Variants in MAP3K15 observed in about 807,000 individuals in gnomAD.
MAP3K15 encodes mitogen-activated protein kinase kinase kinase 15, also known as MAPK/ERK kinase kinase 15.
MAP3K15 carries 124 observed loss-of-function variants against 99.5 expected under a neutral mutation model. The ratio of observed to expected loss-of-function variants is 1.25; its 90% confidence interval spans 1.08 to 1.45. The LOEUF is 1.45. Among genes scored for constraint, MAP3K15 ranks in the 40% most tolerant of loss-of-function variants. The pLI, the probability that MAP3K15 is intolerant of heterozygous loss-of-function variation, is 0.00. For synonymous variants in MAP3K15, 494 were observed against 439.6 expected, an observed-to-expected ratio of 1.12 and a Z score of -1.55; for missense variants, 1,242 against 1,079.7, an observed-to-expected ratio of 1.15 and a Z score of -2.11.
rs148424628 is a variant in MAP3K15, at chrX:19,395,050, A to T, written c.2194+31T>A. 2,358 of 1,191,148 alleles carry T rather than the reference A, an allele frequency of 2.0e-3. 22 individuals carry two copies. The African/African-American group carries it at 0.036, about 18-fold the overall frequency. On this transcript the variant is annotated intron_variant, in intron 16 of 28. Coordinates refer to ENST00000338883, the MANE Select transcript of MAP3K15 (RefSeq NM_001001671.4). The stretch of plus-strand genomic sequence containing the variant: ...ACATCCACGTCGTAGTGATTTTCAG[A>T]ATGTGAGACCAGAAGACAGCGACTA...
chrX:19,444,905 T>G (rs2063984374), intron 6 of MAP3K15, among the ~76,000 whole-genome samples: 1 of 110,718 alleles, frequency 9.0e-6, no homozygotes, highest in African/African-American at 3.3e-5. Flanking sequence ...GCCACTGCCA[T>G]TCTCCCTCTC....
intron 3 of MAP3K15, among the ~76,000 whole-genome samples, chrX:19,469,621 G>A (rs1343876499): frequency 2.7e-4 from 30 of 110,234 alleles, no homozygotes; most frequent in African/African-American, 3.6e-4. Context: ...GCAACCTACA[G>A]AATGGGAGAA....
chrX:19,384,768 A>C (rs1191525089), intron 18 of MAP3K15, among the ~76,000 whole-genome samples: 24 of 105,504 alleles, frequency 2.3e-4, no homozygotes, highest in South Asian at 4.2e-4. Flanking sequence ...AAAAAAAAAA[A>C]AAAAAAAAAA....
In MAP3K15 at chrX:19,364,893, CAAAAA is replaced by C. The variant is rs781622051; in HGVS notation, c.3567-2048_3567-2044del. ...GGGCAACAAGAGCGAAACTCTGTCT[CAAAAA>C]AAAAAAAAAAAAAAAATTCTTTGGG... On this transcript the variant is annotated intron_variant, in intron 25 of 28. Coordinates refer to ENST00000338883, the MANE Select transcript of MAP3K15 (RefSeq NM_001001671.4). Among the ~76,000 whole-genome samples, 2 of 38,492 alleles carry C rather than the reference CAAAAA, an allele frequency of 5.2e-5. 1 individual carries two copies. The highest frequency in any genetic ancestry group is 2.0e-4 in the African/African-American group (2 of 9,796). 33.4% of individuals were successfully genotyped at this position (38,492 alleles called of 115,157 possible). A position where few individuals can be genotyped will look rare whatever the true frequency, so the allele number is the denominator to read the frequency against.
intron 3 of MAP3K15, among the ~76,000 whole-genome samples, chrX:19,484,379 C>T (rs1168818029): frequency 1.8e-5 from 2 of 112,128 alleles, no homozygotes; most frequent in Non-Finnish European, 3.8e-5. Flanking sequence ...CATCCCCCAC[C>T]TCTGGTCTGT....
chrX:19,383,967 C>A (rs1025714424), intron 18 of MAP3K15, among the ~76,000 whole-genome samples: 1 of 111,702 alleles, frequency 9.0e-6, no homozygotes, highest in African/African-American at 3.3e-5. Context: ...TCATAGGATC[C>A]GGCAACCCCA....
At chrX:19,439,195 G>A (rs1254770309) in intron 6 of MAP3K15, among the ~76,000 whole-genome samples, 2 of 111,347 alleles carry the variant, frequency 1.8e-5, no homozygotes, top group African/African-American at 6.5e-5. Flanking sequence ...TGAGCTGCCT[G>A]CTCCGCCTTC....
intron 1 of MAP3K15, among the ~76,000 whole-genome samples, chrX:19,492,079 C>T (rs1474411696): frequency 9.1e-6 from 1 of 109,472 alleles, no homozygotes; most frequent in Non-Finnish European, 1.9e-5. Flanking sequence ...CCCACCTCGG[C>T]CTCTTAGAGT....
intron 1 of MAP3K15, among the ~76,000 whole-genome samples, chrX:19,496,114 T>G (rs1409672156): frequency 9.5e-6 from 1 of 104,993 alleles, no homozygotes; most frequent in Non-Finnish European, 1.9e-5. Context: ...TTGCCCAGGC[T>G]GGAGTGCAGT....
chrX:19,429,793 A>G (rs1244450914), intron 7 of MAP3K15, among the ~76,000 whole-genome samples: 1 of 80,931 alleles, frequency 1.2e-5, no homozygotes, highest in Non-Finnish European at 2.2e-5. Context: ...AGAGAGAGAG[A>G]GAGAGAGAGA....
rs374546659 is a variant in MAP3K15, at chrX:19,380,257, G to A, written c.2452C>T (p.Pro818Ser). ...CGAGGCCCTTGGTCAATTATCTCAG[G>A]TGCCATGTACTGCAGGGTGCCTATT... ...TFTGTLQYMAPEIIDQGPRGY... is the reference protein window; with the variant it reads ...TFTGTLQYMASEIIDQGPRGY... The change falls in exon 19 of 29, where the codon CCT becomes TCT. Residue 818 changes from proline (P) to serine (S), a missense_variant. Coordinates refer to ENST00000338883, the MANE Select transcript of MAP3K15 (RefSeq NM_001001671.4). The A allele has an allele frequency of 2.5e-6, 3 of 1,206,692 alleles. No individual in the cohort carries two copies. Among genetic ancestry groups the A allele is most frequent in the African/African-American group, 3.5e-5 (2 of 56,708 alleles).
chrX:19,450,738 G>T (rs1350763159), intron 6 of MAP3K15, among the ~76,000 whole-genome samples: 1 of 109,197 alleles, frequency 9.2e-6, no homozygotes, highest in Non-Finnish European at 1.9e-5. Context: ...GGAGGGAACT[G>T]AAGAAGGAAA....
intron 19 of MAP3K15, among the ~76,000 whole-genome samples, chrX:19,376,477 A>G (rs2063418741): frequency 9.3e-6 from 1 of 107,248 alleles, no homozygotes; most frequent in Non-Finnish European, 1.9e-5. Flanking sequence ...ACAGGGTCTC[A>G]CTTGGTCACC....
At chrX:19,432,893 T>C (rs1479031318) in intron 6 of MAP3K15, among the ~76,000 whole-genome samples, 1 of 110,823 alleles carries the variant, frequency 9.0e-6, no homozygotes, top group Admixed American at 9.7e-5. Flanking sequence ...ATTTTTGTAA[T>C]GTTAATAGAG....
At chrX:19,470,380 A>G (rs1330591360) in intron 3 of MAP3K15, among the ~76,000 whole-genome samples, 1 of 110,631 alleles carries the variant, frequency 9.0e-6, no homozygotes, top group Non-Finnish European at 1.9e-5. Flanking sequence ...GAAGGGGAAC[A>G]TCACACACCG....
intron 1 of MAP3K15, chrX:19,497,051 T>C (rs1162236804): frequency 9.0e-6 from 1 of 111,583 alleles, no homozygotes; most frequent in African/African-American, 3.3e-5. Context: ...GAGTTTATGA[T>C]CTGCATCAAG....
intron 18 of MAP3K15, 54 bp from the exon 19 acceptor site, chrX:19,380,331 G>C (rs770098736): frequency 8.6e-7 from 1 of 1,158,456 alleles, no homozygotes; most frequent in Non-Finnish European, 1.2e-6. Context: ...CAGAAACTAA[G>C]TGGCCTGTAG....
At chrX:19,426,845 T>TAAAAAAAAAAAAAA (rs2063836202) in intron 7 of MAP3K15, among the ~76,000 whole-genome samples, 1 of 76,289 alleles carries the variant, frequency 1.3e-5, no homozygotes, top group African/African-American at 8.4e-5. Context: ...AAAAAAAAAG[T>TAAAAAAAAAAAAAA]CATAATAGCA....
intron 22 of MAP3K15, among the ~76,000 whole-genome samples, chrX:19,372,066 G>T (rs1232321163): frequency 1.8e-5 from 2 of 108,487 alleles, no homozygotes; most frequent in South Asian, 8.2e-4. Context: ...CCTAGGAGGC[G>T]GAGGTTGCAG....
Sources: allele counts gnomAD v4.1 joint callset (sites outside exome capture counted in the v4.1 genomes callset), GRCh38; gene constraint gnomAD v4.1.1; transcripts MANE v1.5; gene names NCBI Gene and HGNC (gene_info 2026-07-23, HGNC 2026-07-21).